PRPF6: variants seen among roughly 807,000 people sequenced by gnomAD.
PRPF6 encodes the protein pre-mRNA processing factor 6.
Under a neutral mutation model 118.3 loss-of-function variants are expected in PRPF6, and 42 were observed. The observed-to-expected ratio is 0.35, with a 90% CI of 0.28 to 0.46. The LOEUF is 0.46. Ranked by LOEUF, PRPF6 falls within the 20% of genes least tolerant of loss-of-function variation. PRPF6 has a pLI of 1.00. For synonymous variants in PRPF6, 481 were observed against 485.1 expected, an observed-to-expected ratio of 0.99 and a Z score of 0.11; for missense variants, 662 against 1,255.7, an observed-to-expected ratio of 0.53 and a Z score of 7.15.
intron 3 of PRPF6, among the ~76,000 whole-genome samples, chr20:63,987,194 G>T (rs1009191319): frequency 1.3e-5 from 2 of 149,774 alleles, no homozygotes; most frequent in East Asian, 3.9e-4. Context: ...AAAAAAGGGG[G>T]GGGGAGCATA....
rs2059134671 is a variant in PRPF6 at position 63,994,913 on chromosome 20, C to T, written c.439-3C>T. On this transcript the variant is annotated splice_region_variant and splice_polypyrimidine_tract_variant and intron_variant, in intron 4 of 20. Transcript: ENST00000266079. Reference sequence around the variant, plus strand: ...AATGTTTTTGGGGGCTGGATATTTCCAGAGGAAGTTGGCAGAAGTCACAGA... The same window carrying T: ...AATGTTTTTGGGGGCTGGATATTTCTAGAGGAAGTTGGCAGAAGTCACAGA... 6.2e-7 allele frequency: 1 copy of T among 1,614,008 alleles called. No individual in the cohort carries two copies. Among genetic ancestry groups the T allele is most frequent in the South Asian group, 1.1e-5 (1 of 91,090 alleles).
chr20:64,025,907 C>T, intron 14 of PRPF6, 32 bp from the exon 15 acceptor site: 7 of 1,613,408 alleles, frequency 4.3e-6, no homozygotes, highest in Non-Finnish European at 5.9e-6. Flanking sequence ...TGTGTTCTGA[C>T]CCCTCTTGAC....
At chr20:63,985,348 CAAA>C (rs112094687) in intron 3 of PRPF6, among the ~76,000 whole-genome samples, 1 of 135,630 alleles carries the variant, frequency 7.4e-6, no homozygotes. Flanking sequence ...GACCCTGTCT[CAAA>C]AAAAAAAAAA....
chr20:63,990,703 G>A (rs1212541790), intron 3 of PRPF6, among the ~76,000 whole-genome samples: 2 of 148,220 alleles, frequency 1.3e-5, no homozygotes, highest in African/African-American at 2.5e-5. Flanking sequence ...GGAGTGCAAT[G>A]GCGCAACCTC....
chr20:63,981,652 C>T (rs181405610), intron 1 of PRPF6, among the ~76,000 whole-genome samples: 4,969 of 143,880 alleles, frequency 0.035, 161 homozygotes, highest in Middle Eastern at 0.083. Flanking sequence ...CTCCCCCCCC[C>T]CGCCCGCCCG....
Position 63,981,206 on chromosome 20 carries a change from C to G in PRPF6, c.-40C>G, listed in dbSNP as rs201940588. Reference sequence around the variant, plus strand: ...TCTGCGTCTTTCCCTCTTCCGCTGCCTCATTCCTTTCCTTCCTAGCCTTGG... The same window carrying G: ...TCTGCGTCTTTCCCTCTTCCGCTGCGTCATTCCTTTCCTTCCTAGCCTTGG... On this transcript the variant is annotated 5_prime_UTR_variant, in exon 1 of 21. Coordinates refer to ENST00000266079, the MANE Select transcript of PRPF6 (RefSeq NM_012469.4). 6 of 1,575,442 alleles carry G rather than the reference C, an allele frequency of 3.8e-6. No homozygotes were observed. In the East Asian group the frequency reaches 1.4e-4, roughly 36 times the overall value.
At chr20:63,984,831 G>A in intron 2 of PRPF6, 76 bp from the exon 3 acceptor site, 1 of 1,052,236 alleles carries the variant, frequency 9.5e-7, no homozygotes, top group East Asian at 2.4e-5. Flanking sequence ...TATTTCACAA[G>A]TAGAGATCTC....
chr20:63,993,554 C>A, intron 4 of PRPF6, 69 bp downstream of exon 4: 1 of 1,304,306 alleles, frequency 7.7e-7, no homozygotes, highest in Non-Finnish European at 1.1e-6. Flanking sequence ...GAGACTCAGA[C>A]TGCTCTTACG....
At position 64,020,645 on chromosome 20, in the gene PRPF6, A is replaced by G. The variant is rs2059258416; in HGVS notation, c.1648-2112A>G. On this transcript the variant is annotated intron_variant, in intron 12 of 20. Coordinates refer to ENST00000266079, the MANE Select transcript of PRPF6 (RefSeq NM_012469.4). ...ATAAAGTCATTCTTGAGTATAGGGAAAAAAAAGCCTGAAGAAAATAGAACT... is the reference window on the plus strand; with the variant it reads ...ATAAAGTCATTCTTGAGTATAGGGAGAAAAAAGCCTGAAGAAAATAGAACT... 2.6e-5 allele frequency among the ~76,000 whole-genome samples: 4 copies of G among 152,178 alleles called. No individual in the cohort carries two copies. In the South Asian group the frequency reaches 8.3e-4, roughly 31 times the overall value.
At chr20:63,989,414 G>C (rs1415286421) in intron 3 of PRPF6, among the ~76,000 whole-genome samples, 1 of 152,080 alleles carries the variant, frequency 6.6e-6, no homozygotes, top group East Asian at 1.9e-4. Context: ...CTGCACTCCA[G>C]CCTGGGCCAC....
chr20:64,017,133 G>A (rs1024074129), intron 12 of PRPF6, among the ~76,000 whole-genome samples: 5 of 152,088 alleles, frequency 3.3e-5, no homozygotes, highest in African/African-American at 9.7e-5. Flanking sequence ...TAGTAGAGAC[G>A]GGGTTTCACC....
Position 63,993,487 on chromosome 20 carries a change from T to A in PRPF6, c.438+2T>A. 6.2e-7 allele frequency: 1 copy of A among 1,608,786 alleles called. No homozygotes were observed. On this transcript the variant is annotated splice_donor_variant, in intron 4 of 20. Transcript: ENST00000266079. LOFTEE classifies it high-confidence loss of function. Reference sequence around the variant, plus strand: ...CAACAGCAGTTCTCAGACCTCAAGGTGAGCCGATGAAGCGGTGAATGGTGT... The same window carrying A: ...CAACAGCAGTTCTCAGACCTCAAGGAGAGCCGATGAAGCGGTGAATGGTGT...
At chr20:63,983,319 T>G in intron 2 of PRPF6, 104 bp downstream of exon 2, 1 of 1,427,136 alleles carries the variant, frequency 7.0e-7, no homozygotes, top group Non-Finnish European at 9.8e-7. Context: ...GAGTGGCTCA[T>G]GCATTTAAAT....
At chr20:64,021,949 G>T (rs1020047838) in intron 12 of PRPF6, among the ~76,000 whole-genome samples, 1 of 151,606 alleles carries the variant, frequency 6.6e-6, no homozygotes, top group Admixed American at 6.6e-5. Flanking sequence ...GTGTGCGTGT[G>T]TGTGTGTGTG....
chr20:63,985,862 T>C (rs2059090868), intron 3 of PRPF6, among the ~76,000 whole-genome samples: 1 of 152,282 alleles, frequency 6.6e-6, no homozygotes, highest in East Asian at 1.9e-4. Flanking sequence ...ACTCAGACTA[T>C]TCTGAAAAAT....
At position 64,027,127 on chromosome 20, in the gene PRPF6, T is replaced by C; in HGVS notation, c.2174T>C (p.Met725Thr). The change falls in exon 16 of 21, where the codon ATG (methionine) becomes ACG (threonine). Residue 725 changes from methionine (M) to threonine (T), a missense_variant. Transcript: ENST00000266079. The surrounding 1 kb of genome is among the most constrained non-coding windows in gnomAD (Gnocchi z 6.5). ...CAGATCGAGGAGCAGAAGGAGATGA[T>C]GGAGAAGGCGCGGGAAGCCTATAAC... ...KGQIEEQKEM[M>T]EKAREAYNQG... The C allele has an allele frequency of 6.2e-7, 1 of 1,613,876 alleles. No individual in the cohort carries two copies. Among genetic ancestry groups the C allele is most frequent in the Non-Finnish European group, 8.5e-7 (1 of 1,180,004 alleles).
intron 13 of PRPF6, among the ~76,000 whole-genome samples, chr20:64,023,491 A>G (rs1335108399): frequency 6.6e-6 from 1 of 152,156 alleles, no homozygotes; most frequent in Non-Finnish European, 1.5e-5. Flanking sequence ...TCCTCGGGTG[A>G]TGCTCCCTGT....
chr20:64,014,714 T>G (rs913759583), intron 11 of PRPF6, among the ~76,000 whole-genome samples: 1 of 152,192 alleles, frequency 6.6e-6, no homozygotes, highest in Admixed American at 6.5e-5. Context: ...ACACCTAACC[T>G]ACTGAACTTT....
chr20:63,984,334 T>C (rs980788070), intron 2 of PRPF6, among the ~76,000 whole-genome samples: 33 of 151,712 alleles, frequency 2.2e-4, no homozygotes, highest in African/African-American at 8.0e-4. Context: ...GGCAGAAGAA[T>C]GCTGTGAACC....
Sources: allele counts gnomAD v4.1 joint callset (sites outside exome capture counted in the v4.1 genomes callset), GRCh38; gene constraint gnomAD v4.1.1; non-coding constraint Gnocchi (gnomAD v3.1); transcripts MANE v1.5; gene names NCBI Gene and HGNC (gene_info 2026-07-23, HGNC 2026-07-21).